NTM: variants seen among roughly 807,000 people sequenced by gnomAD.
NTM encodes the protein IgLON family member 2.
A neutral mutation model predicts 42.1 loss-of-function variants in NTM; 13 were observed. The observed-to-expected ratio is 0.31, with a 90% CI of 0.20 to 0.49. NTM has a LOEUF of 0.49. Among genes scored for constraint, NTM ranks in the 20% least tolerant of loss-of-function variants. The pLI, the probability that NTM is intolerant of heterozygous loss-of-function variation, is 0.99. For missense variants in NTM, 373 were observed against 452.8 expected, an observed-to-expected ratio of 0.82 and a Z score of 1.60; for synonymous variants, 187 against 179.2, an observed-to-expected ratio of 1.04 and a Z score of -0.35.
chr11:131,589,659 G>A (rs568238723), intron 1 of NTM, among the ~76,000 whole-genome samples: 67 of 152,300 alleles, frequency 4.4e-4, no homozygotes, highest in African/African-American at 1.4e-3. Context: ...ATGGCAGAGA[G>A]ACACCATCCC....
In NTM at chr11:131,998,860, G is replaced by T. The variant is rs568694421; in HGVS notation, c.167+87212G>T. The stretch of plus-strand genomic sequence containing the variant: ...TTTCCCACTGGTTATGCCTGGCAGA[G>T]AACCATACCAGCGTGGGTATTATGG... On this transcript the variant is annotated intron_variant, in intron 2 of 8. Coordinates refer to ENST00000683400, the MANE Select transcript of NTM (RefSeq NM_001352005.2). Among the ~76,000 whole-genome samples the T allele has an allele frequency of 7.2e-5, 11 of 152,282 alleles. No individual in the cohort carries two copies. The East Asian group carries it at 2.1e-3, about 30-fold the overall frequency.
At chr11:131,956,836 C>G (rs2061609582) in intron 2 of NTM, among the ~76,000 whole-genome samples, 1 of 152,042 alleles carries the variant, frequency 6.6e-6, no homozygotes, top group Non-Finnish European at 1.5e-5. Context: ...GCAAAAGGCC[C>G]AAGTCATGTA....
At chr11:131,390,942 G>T (rs1484349411) in intron 1 of NTM, among the ~76,000 whole-genome samples, 1 of 152,100 alleles carries the variant, frequency 6.6e-6, no homozygotes, top group Non-Finnish European at 1.5e-5. Context: ...CTCACTCAGG[G>T]TTCGTATGTG....
intron 2 of NTM, among the ~76,000 whole-genome samples, chr11:132,112,429 A>G (rs1370181003): frequency 2.0e-5 from 3 of 152,202 alleles, no homozygotes; most frequent in Non-Finnish European, 4.4e-5. Context: ...TTAGTAAATA[A>G]TGAGAAGTCT....
chr11:132,050,453 T>A (rs2078693449), intron 2 of NTM, among the ~76,000 whole-genome samples: 1 of 152,262 alleles, frequency 6.6e-6, no homozygotes, highest in South Asian at 2.1e-4. Flanking sequence ...GCTGGGCAAA[T>A]GATTTTTTTG....
At chr11:131,827,730 G>T (rs1444346968) in intron 1 of NTM, among the ~76,000 whole-genome samples, 1 of 152,200 alleles carries the variant, frequency 6.6e-6, no homozygotes, top group African/African-American at 2.4e-5. Flanking sequence ...TTATCTTGAA[G>T]TTCAAGTTAT....
At chr11:132,136,948 C>T (rs2068047649) in intron 2 of NTM, among the ~76,000 whole-genome samples, 1 of 152,142 alleles carries the variant, frequency 6.6e-6, no homozygotes, top group African/African-American at 2.4e-5. Context: ...CGCACTAGGC[C>T]TTGGGCATGG....
intron 1 of NTM, among the ~76,000 whole-genome samples, chr11:131,808,244 C>G (rs1180473164): frequency 6.6e-6 from 1 of 152,194 alleles, no homozygotes; most frequent in Non-Finnish European, 1.5e-5. Context: ...GCTGATAAAA[C>G]CCTCTGGTTT....
chr11:131,823,881 A>G (rs1373916721), intron 1 of NTM, among the ~76,000 whole-genome samples: 1 of 152,216 alleles, frequency 6.6e-6, no homozygotes, highest in Non-Finnish European at 1.5e-5. Flanking sequence ...CACAAATACA[A>G]GGGCTTAAGT....
intron 2 of NTM, among the ~76,000 whole-genome samples, chr11:131,944,304 T>C (rs2060121179): frequency 6.6e-6 from 1 of 152,230 alleles, no homozygotes; most frequent in Non-Finnish European, 1.5e-5. Flanking sequence ...TCTGCTCATA[T>C]TGCTTTAGAC....
intron 2 of NTM, among the ~76,000 whole-genome samples, chr11:132,028,390 T>C (rs2075472887): frequency 6.6e-6 from 1 of 152,164 alleles, no homozygotes; most frequent in South Asian, 2.1e-4. Context: ...AAGCTGTAAT[T>C]ATTGCTTGTT....
At chr11:132,023,286 G>A (rs2074626594) in intron 2 of NTM, among the ~76,000 whole-genome samples, 3 of 152,222 alleles carry the variant, frequency 2.0e-5, no homozygotes, top group African/African-American at 4.8e-5. Context: ...GGGTTTTGGG[G>A]CAGAGAGGAG....
intron 2 of NTM, among the ~76,000 whole-genome samples, chr11:132,101,316 T>A (rs1304916455): frequency 6.6e-6 from 1 of 152,144 alleles, no homozygotes; most frequent in Non-Finnish European, 1.5e-5. Flanking sequence ...CTAGGTGGCA[T>A]CCACCTGTGA....
At position 131,677,102 on chromosome 11, in the gene NTM, C is replaced by T. The variant is rs371073891; in HGVS notation, c.83-234462C>T. ...TCTGGCATCTAATACATATGGAAAC[C>T]GCACGGTGGGATAGGAGGAACTCTG... On this transcript the variant is annotated intron_variant, in intron 1 of 8. Coordinates refer to ENST00000683400, the MANE Select transcript of NTM (RefSeq NM_001352005.2). Among the ~76,000 whole-genome samples, 19 of 152,298 alleles carry T rather than the reference C, an allele frequency of 1.2e-4. 1 individual carries two copies. The highest frequency in any genetic ancestry group is 3.6e-4 in the African/African-American group (15 of 41,566).
At chr11:131,607,036 C>T (rs985632986) in intron 1 of NTM, among the ~76,000 whole-genome samples, 5 of 152,186 alleles carry the variant, frequency 3.3e-5, no homozygotes, top group East Asian at 1.9e-4. Context: ...CTGGGTAATC[C>T]CCTTTGATGC....
intron 1 of NTM, among the ~76,000 whole-genome samples, chr11:131,426,953 C>T (rs1948185711): frequency 6.6e-6 from 1 of 152,058 alleles, no homozygotes; most frequent in South Asian, 2.1e-4. Context: ...TATTATCCTC[C>T]CCCAAGTTGG....
At position 132,085,682 on chromosome 11, in the gene NTM, CT is replaced by C. The variant is rs1443343490; in HGVS notation, c.168-60594del. Among the ~76,000 whole-genome samples the C allele has an allele frequency of 1.3e-5, 2 of 152,012 alleles. 1 individual carries two copies. The highest frequency in any genetic ancestry group is 4.8e-5 in the African/African-American group (2 of 41,370). On this transcript the variant is annotated intron_variant, in intron 2 of 8. Coordinates refer to ENST00000683400, the MANE Select transcript of NTM (RefSeq NM_001352005.2). ...TTCTTTAGACCAATTAATTAGAGCT[CT>C]TTTTTATAGATATCATGCACATCAC... is the stretch of plus-strand genomic sequence containing the variant.
intron 1 of NTM, among the ~76,000 whole-genome samples, chr11:131,783,636 T>A (rs914428413): frequency 6.6e-6 from 1 of 151,994 alleles, no homozygotes; most frequent in African/African-American, 2.4e-5. Flanking sequence ...ACACAAAAAC[T>A]CAACTCAAAA....
intron 1 of NTM, chr11:131,546,618 A>G (rs1273802073): frequency 6.6e-6 from 1 of 152,130 alleles, no homozygotes; most frequent in East Asian, 1.9e-4. Context: ...ATTTGACTTC[A>G]CCTTGTTCCC....
Sources: gnomAD v4.1 joint callset for allele counts (sites outside exome capture counted in the v4.1 genomes callset) on GRCh38, gnomAD v4.1.1 for gene constraint, MANE v1.5 for transcripts, NCBI Gene and HGNC (gene_info 2026-07-23, HGNC 2026-07-21) for gene names.